Variants in NUDT21 observed in about 807,000 individuals in gnomAD.
NUDT21 encodes cleavage and polyadenylation specificity factor subunit 5.
Under a neutral mutation model 29.8 loss-of-function variants are expected in NUDT21, and 5 were observed. That is an observed-to-expected ratio of 0.17 (90% confidence interval 0.09 to 0.35). NUDT21 has a LOEUF of 0.35. Among genes scored for constraint, NUDT21 ranks in the 10% least tolerant of loss-of-function variants. The pLI is 1.00. For synonymous variants in NUDT21, 113 were observed against 98.5 expected (o/e 1.15, Z -0.87); for missense variants, 76 against 276.0 (o/e 0.28, Z 5.13).
chr16:56,442,757 T>C (rs1476562915), intron 3 of NUDT21, among the ~76,000 whole-genome samples: 2 of 152,216 alleles, frequency 1.3e-5, no homozygotes, highest in African/African-American at 4.8e-5. Flanking sequence ...TTATCTATAG[T>C]TTATATTGGT....
At chr16:56,437,201 G>C (rs1962113395) in intron 4 of NUDT21, among the ~76,000 whole-genome samples, 1 of 152,124 alleles carries the variant, frequency 6.6e-6, no homozygotes, top group Non-Finnish European at 1.5e-5. Context: ...AGAAGCAAGA[G>C]AAAAGAACGA....
At chr16:56,447,666 A>G in intron 2 of NUDT21, 123 bp downstream of exon 2, 1 of 789,596 alleles carries the variant, frequency 1.3e-6, no homozygotes, top group Non-Finnish European at 2.1e-6. Flanking sequence ...TCTCTTTCTA[A>G]AGACATCATT....
At chr16:56,437,237 C>T (rs114495537) in intron 4 of NUDT21, among the ~76,000 whole-genome samples, 1,652 of 152,190 alleles carry the variant, frequency 0.011, 35 homozygotes, top group African/African-American at 0.038. Flanking sequence ...ATATTTTGTG[C>T]AATGCTTGAC....
chr16:56,444,632 A>C (rs1396416813), intron 3 of NUDT21, among the ~76,000 whole-genome samples: 4 of 151,896 alleles, frequency 2.6e-5, no homozygotes, highest in South Asian at 2.1e-4. Flanking sequence ...AAAAAAAAAA[A>C]AAACAAGCCT....
intron 3 of NUDT21, among the ~76,000 whole-genome samples, chr16:56,440,227 T>G (rs1962144418): frequency 6.6e-6 from 1 of 152,206 alleles, no homozygotes. Flanking sequence ...AGGATAGTTT[T>G]AGATTTACAG....
In NUDT21 at chr16:56,442,808, C is replaced by T. The variant is rs1962174198; in HGVS notation, c.382-3062G>A. Among the ~76,000 whole-genome samples the T allele has an allele frequency of 5.9e-5, 9 of 152,288 alleles. No homozygotes were observed. The South Asian group carries it at 1.7e-3, about 28-fold the overall frequency. On this transcript the variant is annotated intron_variant, in intron 3 of 6. Transcript: ENST00000300291. Reference sequence around the variant, plus strand: ...CACTAATTTTATCTATTCTTACCTACATTCTATCTTTTTATCTTTTCATTC... The same window carrying T: ...CACTAATTTTATCTATTCTTACCTATATTCTATCTTTTTATCTTTTCATTC...
chr16:56,444,217 G>T (rs560765019), intron 3 of NUDT21, among the ~76,000 whole-genome samples: 1 of 152,132 alleles, frequency 6.6e-6, no homozygotes, highest in Non-Finnish European at 1.5e-5. Context: ...CCAGGAGTTT[G>T]TGGTTACAGT....
chr16:56,450,022 T>C (rs1330916974), intron 1 of NUDT21, among the ~76,000 whole-genome samples: 1 of 152,204 alleles, frequency 6.6e-6, no homozygotes, highest in Non-Finnish European at 1.5e-5. Context: ...ATGTTAACCA[T>C]CTTTTCAACT....
chr16:56,439,622 T>A (rs1349480054), intron 4 of NUDT21, 35 bp downstream of exon 4: 5 of 1,380,102 alleles, frequency 3.6e-6, no homozygotes, highest in Non-Finnish European at 5.2e-6. Flanking sequence ...GCTTTCTGCT[T>A]CCAAAATGCC....
intron 5 of NUDT21, 26 bp from the exon 6 acceptor site, chr16:56,434,471 A>G (rs747012378): frequency 1.2e-5 from 15 of 1,243,442 alleles, no homozygotes; most frequent in East Asian, 7.0e-5. Context: ...ATTCATTATT[A>G]TAAGTTATTA....
At chr16:56,445,066 C>A (rs1239105083) in intron 3 of NUDT21, among the ~76,000 whole-genome samples, 2 of 152,172 alleles carry the variant, frequency 1.3e-5, no homozygotes, top group Non-Finnish European at 2.9e-5. Flanking sequence ...CACCTTTAAT[C>A]CCATCTACTC....
Position 56,431,584 on chromosome 16 carries a change from C to A in NUDT21, c.*1128G>T, listed in dbSNP as rs1962034059. The stretch of plus-strand genomic sequence containing the variant: ...TTAAGTAGCTACATCTGGCAAGATT[C>A]CTTTTTACATTAAGCCTATAGTCAA... On this transcript the variant is annotated 3_prime_UTR_variant, in exon 7 of 7. Transcript: ENST00000300291. The A allele has an allele frequency of 6.6e-6, 1 of 152,082 alleles. No homozygotes were observed. Among genetic ancestry groups the A allele is most frequent in the Non-Finnish European group, 1.5e-5 (1 of 68,014 alleles). The allele number at this position is 152,082 out of a possible 1,614,324, so 9.4% of individuals were successfully genotyped here. A position where few individuals can be genotyped will look rare whatever the true frequency, so the allele number is the denominator to read the frequency against.
intron 6 of NUDT21, among the ~76,000 whole-genome samples, chr16:56,433,783 G>A (rs541973146): frequency 3.3e-5 from 5 of 152,168 alleles, no homozygotes; most frequent in African/African-American, 1.2e-4. Flanking sequence ...TGCCTCCCGG[G>A]TTCAAGCAAT....
chr16:56,437,273 G>A (rs1286140162), intron 4 of NUDT21, among the ~76,000 whole-genome samples: 2 of 152,182 alleles, frequency 1.3e-5, no homozygotes, highest in Non-Finnish European at 2.9e-5. Flanking sequence ...ATGTAAAGGA[G>A]CTATAAAGTC....
At chr16:56,437,278 A>G (rs1271150537) in intron 4 of NUDT21, among the ~76,000 whole-genome samples, 17 of 152,192 alleles carry the variant, frequency 1.1e-4, no homozygotes, top group Non-Finnish European at 1.5e-5. Flanking sequence ...AAGGAGCTAT[A>G]AAGTCATAGG....
intron 1 of NUDT21, among the ~76,000 whole-genome samples, chr16:56,450,247 G>A (rs1041834376): frequency 1.3e-5 from 2 of 152,256 alleles, no homozygotes; most frequent in African/African-American, 4.8e-5. Context: ...ATTTTAAAAA[G>A]CATTACTGAC....
intron 2 of NUDT21, among the ~76,000 whole-genome samples, chr16:56,447,234 G>A (rs1459992360): frequency 1.3e-5 from 2 of 152,140 alleles, no homozygotes; most frequent in Non-Finnish European, 2.9e-5. Context: ...GGAGCTATCT[G>A]ATGATAATGG....
chr16:56,435,743 TTATATATATATATATATATATATATA>T (rs777245596), intron 4 of NUDT21, among the ~76,000 whole-genome samples: 66 of 27,062 alleles, frequency 2.4e-3, no homozygotes, highest in African/African-American at 6.5e-3. Context: ...AAAAAAAAAA[TTATATATATATATATATATATATATA>T]TATATATATA....
Position 56,451,161 on chromosome 16 carries a change from G to A in NUDT21, c.42C>T (p.Pro14=). Reference sequence around the variant, plus strand: ...TGTTGCCGAACTGAGTGACCCCCCGGGGCCAGCCGGTCTGCGAGCGATTGG... The same window carrying A: ...TGTTGCCGAACTGAGTGACCCCCCGAGGCCAGCCGGTCTGCGAGCGATTGG... The part of the protein sequence containing the change: ...VPPNRSQTGW[P]RGVTQFGNKY... The change falls in exon 1 of 7, where the codon CCC becomes CCT. Residue 14 remains proline, a synonymous_variant. Coordinates refer to ENST00000300291, the MANE Select transcript of NUDT21 (RefSeq NM_007006.3). 6.2e-7 allele frequency: 1 copy of A among 1,612,998 alleles called. No individual in the cohort carries two copies. Among genetic ancestry groups the A allele is most frequent in the Non-Finnish European group, 8.5e-7 (1 of 1,179,494 alleles).
Sources: gnomAD v4.1 joint callset for allele counts (sites outside exome capture counted in the v4.1 genomes callset) on GRCh38, gnomAD v4.1.1 for gene constraint, MANE v1.5 for transcripts, NCBI Gene and HGNC (gene_info 2026-07-23, HGNC 2026-07-21) for gene names.